WDR27: variants seen among roughly 807,000 people sequenced by gnomAD.
The protein encoded by WDR27 is WD repeat-containing protein 27.
A neutral mutation model predicts 114.4 loss-of-function variants in WDR27; 100 were observed. That is an observed-to-expected ratio of 0.87 (90% confidence interval 0.74 to 1.03). WDR27 has a LOEUF of 1.03. Ranked by LOEUF, WDR27 falls within the 50% of genes least tolerant of loss-of-function variation. WDR27 has a pLI of 0.00. For missense variants in WDR27, 1,129 were observed against 1,092.9 expected, an observed-to-expected ratio of 1.03 and a Z score of -0.47; for synonymous variants, 449 against 423.1, an observed-to-expected ratio of 1.06 and a Z score of -0.75.
At chr6:169,680,406 C>A (rs1245508553) in intron 2 of WDR27, among the ~76,000 whole-genome samples, 3 of 152,162 alleles carry the variant, frequency 2.0e-5, no homozygotes, top group Admixed American at 2.0e-4. Context: ...CACGGTGAAA[C>A]CCTGTCTCTA....
At chr6:169,680,640 G>T (rs1302379574) in intron 2 of WDR27, among the ~76,000 whole-genome samples, 1 of 152,162 alleles carries the variant, frequency 6.6e-6, no homozygotes, top group African/African-American at 2.4e-5. Context: ...ATCCCTGAAT[G>T]TTTAACAAAA....
chr6:169,644,432 C>T (rs1396835490), intron 16 of WDR27, among the ~76,000 whole-genome samples: 1 of 150,734 alleles, frequency 6.6e-6, no homozygotes, highest in East Asian at 1.9e-4. Flanking sequence ...ACAGGAGTCA[C>T]ACTGTAGAAA....
chr6:169,527,007 A>C (rs1795038501), intron 25 of WDR27, among the ~76,000 whole-genome samples: 1 of 152,244 alleles, frequency 6.6e-6, no homozygotes, highest in Admixed American at 6.5e-5. Context: ...AGTGTTGGCA[A>C]AGATGTAGAG....
intron 25 of WDR27, among the ~76,000 whole-genome samples, chr6:169,564,397 A>G (rs9396966): frequency 0.59 from 89,580 of 151,882 alleles, 29,126 homozygotes; most frequent in Non-Finnish European, 0.72. Flanking sequence ...ACACCCTCAC[A>G]GACACAGCCA....
At chr6:169,610,790 G>C (rs939115330) in intron 22 of WDR27, among the ~76,000 whole-genome samples, 1 of 152,194 alleles carries the variant, frequency 6.6e-6, no homozygotes, top group Admixed American at 6.5e-5. Flanking sequence ...AAGTAACTCA[G>C]AAATGAAAAA....
At chr6:169,590,635 G>A (rs1363200701) in intron 23 of WDR27, among the ~76,000 whole-genome samples, 3 of 152,078 alleles carry the variant, frequency 2.0e-5, no homozygotes, top group South Asian at 2.1e-4. Flanking sequence ...CAAGGCTGAC[G>A]CACAATCTCC....
At chr6:169,635,750 C>T (rs939785557) in intron 19 of WDR27, among the ~76,000 whole-genome samples, 1 of 152,064 alleles carries the variant, frequency 6.6e-6, no homozygotes, top group African/African-American at 2.4e-5. Flanking sequence ...ATCTCAGAAA[C>T]GTAACTTTGA....
At position 169,617,901 on chromosome 6, in the gene WDR27, C is replaced by T. The variant is rs140314784; in HGVS notation, c.2224-4245G>A. Among the ~76,000 whole-genome samples, 910 of 152,248 alleles carry T rather than the reference C, an allele frequency of 6.0e-3. 9 individuals carry two copies. The highest frequency in any genetic ancestry group is 0.02 in the African/African-American group (851 of 41,544). On this transcript the variant is annotated intron_variant, in intron 21 of 25. Coordinates refer to ENST00000448612, the MANE Select transcript of WDR27 (RefSeq NM_182552.5). ...CAGCTCGATTTTACAGCCTGCTCTT[C>T]GTTAGAAAAGAAAATGATTTGGGGG...
chr6:169,700,380 G>C (rs529585043), intron 1 of WDR27, among the ~76,000 whole-genome samples: 2 of 152,240 alleles, frequency 1.3e-5, no homozygotes, highest in Non-Finnish European at 2.9e-5. Flanking sequence ...CACCAGAAGA[G>C]AGACTACGGT....
intron 2 of WDR27, among the ~76,000 whole-genome samples, chr6:169,677,615 T>C (rs1294726553): frequency 1.3e-5 from 2 of 152,220 alleles, no homozygotes; most frequent in African/African-American, 4.8e-5. Flanking sequence ...ACTTAAGATA[T>C]TTGTGTAACT....
chr6:169,455,629 A>G (rs1301296505), downstream of WDR27, among the ~76,000 whole-genome samples: 2 of 152,240 alleles, frequency 1.3e-5, no homozygotes, highest in Non-Finnish European at 2.9e-5. Flanking sequence ...CAGGCAGGGA[A>G]GCCTCTTGAG....
At chr6:169,645,359 T>C (rs148172891) in intron 16 of WDR27, among the ~76,000 whole-genome samples, 1,023 of 84,380 alleles carry the variant, frequency 0.012, no homozygotes, top group Middle Eastern at 0.061. Flanking sequence ...TCACACGAGT[T>C]ACGCTGTAGA....
At chr6:169,578,931 C>T (rs991743245) in intron 24 of WDR27, among the ~76,000 whole-genome samples, 20 of 152,152 alleles carry the variant, frequency 1.3e-4, no homozygotes, top group African/African-American at 3.9e-4. Context: ...CTGCCGTAGA[C>T]GTCATCACAC....
At chr6:169,545,752 T>C (rs953556649) in intron 25 of WDR27, among the ~76,000 whole-genome samples, 2 of 151,996 alleles carry the variant, frequency 1.3e-5, no homozygotes, top group African/African-American at 4.8e-5. Context: ...AGTTACAGAA[T>C]TGGAGAAAAT....
intron 22 of WDR27, among the ~76,000 whole-genome samples, chr6:169,608,920 G>A (rs1466693887): frequency 6.6e-6 from 1 of 152,226 alleles, no homozygotes; most frequent in African/African-American, 2.4e-5. Flanking sequence ...TACAGGCATT[G>A]GGTAAATACA....
At chr6:169,555,428 A>C (rs947446474) in intron 25 of WDR27, among the ~76,000 whole-genome samples, 2 of 152,196 alleles carry the variant, frequency 1.3e-5, no homozygotes, top group Non-Finnish European at 2.9e-5. Flanking sequence ...ACCAGGCGGA[A>C]AGGTAGACTT....
intron 14 of WDR27, 34 bp downstream of exon 14, chr6:169,651,896 C>T (rs377101937): frequency 1.3e-6 from 2 of 1,590,464 alleles, no homozygotes; most frequent in Admixed American, 1.7e-5. Flanking sequence ...GACGCAGGTG[C>T]ATTTCTGTCT....
Position 169,647,818 on chromosome 6 carries a change from C to T in WDR27, c.1612G>A (p.Ala538Thr), listed in dbSNP as rs768921880. Reference sequence around the variant, plus strand: ...ACACGTGTGCAGGTGGGGGCGGCAGCGACCTGGGGGCCGGGCTTGGTGGGC... The same window carrying T: ...ACACGTGTGCAGGTGGGGGCGGCAGTGACCTGGGGGCCGGGCTTGGTGGGC... Reference protein sequence around the residue: ...AVPTKPGPQVAAAPTCTRVCC... With the variant: ...AVPTKPGPQVTAAPTCTRVCC... Residue 538 changes from alanine (A) to threonine (T), a missense_variant, in exon 16 of 26, where the codon GCT (alanine) becomes ACT (threonine). Ala to Thr is a moderately conservative substitution (Grantham distance 58). Coordinates refer to ENST00000448612, the MANE Select transcript of WDR27 (RefSeq NM_182552.5). 1.9e-5 allele frequency: 30 copies of T among 1,584,306 alleles called. No homozygotes were observed. Among genetic ancestry groups the T allele is most frequent in the African/African-American group, 2.7e-5 (2 of 74,208 alleles).
intron 2 of WDR27, among the ~76,000 whole-genome samples, chr6:169,675,163 T>C (rs574933559): frequency 1.3e-5 from 2 of 152,200 alleles, no homozygotes; most frequent in African/African-American, 4.8e-5. Context: ...TGAGATGTAA[T>C]CCCCAGTGTT....
Sources: allele counts gnomAD v4.1 joint callset (sites outside exome capture counted in the v4.1 genomes callset), GRCh38; gene constraint gnomAD v4.1.1; transcripts MANE v1.5; gene names NCBI Gene and HGNC (gene_info 2026-07-23, HGNC 2026-07-21).